Variants in PCDH9 observed in about 807,000 individuals in gnomAD.
PCDH9 encodes the protein protocadherin 9.
Under a neutral mutation model 70.6 loss-of-function variants are expected in PCDH9, and 24 were observed. The ratio of observed to expected loss-of-function variants is 0.34; its 90% CI spans 0.25 to 0.48. The LOEUF (loss-of-function observed/expected upper bound fraction) is 0.48. Among genes scored for constraint, PCDH9 ranks in the 20% least tolerant of loss-of-function variants. PCDH9 has a pLI of 0.99. For synonymous variants in PCDH9, 562 were observed against 558.5 expected, an observed-to-expected ratio of 1.01 and a Z score of -0.09; for missense variants, 1,281 against 1,503.6, an observed-to-expected ratio of 0.85 and a Z score of 2.45.
rs572995389 is a variant in PCDH9 at position 66,752,638 on chromosome 13, T to C, written c.3139-121227A>G. Among the ~76,000 whole-genome samples the C allele has an allele frequency of 2.0e-5, 3 of 152,294 alleles. No individual in the cohort carries two copies. The East Asian group carries it at 5.8e-4, about 29-fold the overall frequency. ...TAATGGAAGAGAAACCTTATTATAT[T>C]TGTGAATTTAAATTTTTACTTTCTT... On this transcript the variant is annotated intron_variant, in intron 3 of 4. Coordinates refer to ENST00000377865, the MANE Select transcript of PCDH9 (RefSeq NM_203487.3).
At position 67,163,413 on chromosome 13, in the gene PCDH9, A is replaced by C. The variant is rs573221151; in HGVS notation, c.3036+61992T>G. 3.9e-4 allele frequency among the ~76,000 whole-genome samples: 59 copies of C among 152,344 alleles called. No homozygotes were observed. In the South Asian group the frequency reaches 9.3e-3, roughly 24 times the overall value. ...CTCATTTGTCAAACAAAGTTATTAA[A>C]ATTGTCAAAAATATATGCTCTAACT... On this transcript the variant is annotated intron_variant, in intron 2 of 4. Transcript: ENST00000377865.
At chr13:67,058,921 T>A (rs1213017905) in intron 2 of PCDH9, among the ~76,000 whole-genome samples, 1 of 152,072 alleles carries the variant, frequency 6.6e-6, no homozygotes, top group East Asian at 1.9e-4. Context: ...CTTTCAATAT[T>A]TATTGAATAA....
At chr13:67,141,847 C>A (rs2087400110) in intron 2 of PCDH9, among the ~76,000 whole-genome samples, 1 of 152,022 alleles carries the variant, frequency 6.6e-6, no homozygotes, top group South Asian at 2.1e-4. Context: ...GATTGCACCT[C>A]CTTTATCATT....
chr13:66,617,062 G>T (rs1294021964), intron 4 of PCDH9, among the ~76,000 whole-genome samples: 2 of 152,154 alleles, frequency 1.3e-5, no homozygotes, highest in African/African-American at 2.4e-5. Context: ...TAAAGGCCAC[G>T]TTAATATCCA....
intron 2 of PCDH9, among the ~76,000 whole-genome samples, chr13:67,103,665 ATTG>A (rs764906918): frequency 4.3e-4 from 65 of 152,308 alleles, no homozygotes; most frequent in South Asian, 6.2e-4. Flanking sequence ...AGTAAGGGAA[ATTG>A]TTGTAACTTA....
intron 2 of PCDH9, among the ~76,000 whole-genome samples, chr13:67,113,799 G>C (rs952898335): frequency 1.3e-4 from 20 of 152,128 alleles, no homozygotes; most frequent in African/African-American, 4.3e-4. Context: ...TGCCCGCCTC[G>C]GCCTCCCAAA....
intron 3 of PCDH9, among the ~76,000 whole-genome samples, chr13:66,878,155 C>T (rs973192836): frequency 1.3e-5 from 2 of 151,976 alleles, no homozygotes; most frequent in Non-Finnish European, 2.9e-5. Flanking sequence ...TAAAGGCAAT[C>T]CAATTCATGA....
At chr13:67,152,574 A>G (rs534261536) in intron 2 of PCDH9, among the ~76,000 whole-genome samples, 1 of 152,300 alleles carries the variant, frequency 6.6e-6, no homozygotes, top group South Asian at 2.1e-4. Flanking sequence ...CATCTCAAGA[A>G]AATGTCTGCA....
chr13:67,009,886 T>C (rs905310833), intron 2 of PCDH9, among the ~76,000 whole-genome samples: 14 of 151,938 alleles, frequency 9.2e-5, no homozygotes, highest in African/African-American at 1.2e-4. Context: ...ACACTATACA[T>C]TGGAATTTTT....
At chr13:66,520,444 C>T (rs1172792009) in intron 4 of PCDH9, among the ~76,000 whole-genome samples, 1 of 152,140 alleles carries the variant, frequency 6.6e-6, no homozygotes, top group Non-Finnish European at 1.5e-5. Flanking sequence ...GTCTTTTTTC[C>T]TGCATTGCTG....
chr13:67,219,804 TAA>T (rs951311286), intron 2 of PCDH9: 33 of 152,128 alleles, frequency 2.2e-4, no homozygotes, highest in African/African-American at 7.5e-4. Context: ...GTGAAATATA[TAA>T]GATATTAAAT....
intron 3 of PCDH9, among the ~76,000 whole-genome samples, chr13:66,665,358 A>T (rs1032777386): frequency 6.6e-6 from 1 of 152,104 alleles, no homozygotes; most frequent in Non-Finnish European, 1.5e-5. Context: ...TCGGCCTCCC[A>T]AAGTGCTGGG....
chr13:66,821,241 G>A (rs1406898767), intron 3 of PCDH9, among the ~76,000 whole-genome samples: 4 of 151,978 alleles, frequency 2.6e-5, no homozygotes, highest in Non-Finnish European at 4.4e-5. Context: ...AAATAAGTAC[G>A]ATTATGTTTT....
chr13:66,777,905 G>C (rs1373239032), intron 3 of PCDH9, among the ~76,000 whole-genome samples: 1 of 152,036 alleles, frequency 6.6e-6, no homozygotes, highest in African/African-American at 2.4e-5. Flanking sequence ...ACGATAGACT[G>C]GATTAAGAAA....
At chr13:66,961,317 G>A (rs937232317) in intron 2 of PCDH9, among the ~76,000 whole-genome samples, 1 of 152,014 alleles carries the variant, frequency 6.6e-6, no homozygotes, top group African/African-American at 2.4e-5. Flanking sequence ...CACAATAATG[G>A]CAAAAAACAA....
chr13:66,744,534 T>C (rs1057246634), intron 3 of PCDH9, among the ~76,000 whole-genome samples: 1 of 152,186 alleles, frequency 6.6e-6, no homozygotes, highest in Non-Finnish European at 1.5e-5. Flanking sequence ...CAAAACATGT[T>C]CACATGAGAA....
chr13:66,663,633 T>C (rs967283227), intron 3 of PCDH9, among the ~76,000 whole-genome samples: 1 of 152,236 alleles, frequency 6.6e-6, no homozygotes. Context: ...AAATTACTAC[T>C]GTATCTCCTG....
chr13:66,762,023 T>C, intron 3 of PCDH9, among the ~76,000 whole-genome samples: 2 of 152,028 alleles, frequency 1.3e-5, no homozygotes, highest in East Asian at 3.9e-4. Flanking sequence ...TGTCTGAAAA[T>C]GCCTTTCAAC....
At chr13:66,923,716 C>T (rs1400627182) in intron 2 of PCDH9, among the ~76,000 whole-genome samples, 1 of 151,572 alleles carries the variant, frequency 6.6e-6, no homozygotes, top group Non-Finnish European at 1.5e-5. Flanking sequence ...GGTTAAAAAG[C>T]CCAGATGTGA....
Sources: gnomAD v4.1 joint callset for allele counts (sites outside exome capture counted in the v4.1 genomes callset) on GRCh38, gnomAD v4.1.1 for gene constraint, MANE v1.5 for transcripts, NCBI Gene and HGNC (gene_info 2026-07-23, HGNC 2026-07-21) for gene names.